The following IFT88 variants were observed in gnomAD, a reference collection of about 807,000 sequenced individuals.
IFT88 encodes the protein intraflagellar transport 88, also known as intraflagellar transport protein 88 homolog.
IFT88 carries 74 observed loss-of-function variants against 119.5 expected under a neutral mutation model. The ratio of observed to expected loss-of-function variants is 0.62; its 90% CI spans 0.51 to 0.75. IFT88 has a LOEUF of 0.75. Among genes scored for constraint, IFT88 ranks in the 30% least tolerant of loss-of-function variants. The probability of loss-of-function intolerance (pLI) is 0.00; values close to 1 mark genes in which losing one functional copy is unlikely to be tolerated. For missense variants in IFT88, 961 were observed against 977.7 expected (o/e 0.98, Z 0.23); for synonymous variants, 279 against 316.7 (o/e 0.88, Z 1.26).
At chr13:20,603,411 A>G (rs922148578) in intron 12 of IFT88, among the ~76,000 whole-genome samples, 9 of 151,778 alleles carry the variant, frequency 5.9e-5, no homozygotes, top group Non-Finnish European at 1.2e-4. Context: ...AAAGATTATA[A>G]GAGTACTGTA....
intron 4 of IFT88, 55 bp from the exon 5 acceptor site, chr13:20,590,912 C>T: frequency 1.6e-6 from 2 of 1,269,270 alleles, no homozygotes; most frequent in Non-Finnish European, 2.3e-6. Context: ...TTGGTTTAAA[C>T]ATTTAAGGCA....
intron 20 of IFT88, among the ~76,000 whole-genome samples, chr13:20,653,552 T>G (rs533325358): frequency 6.6e-6 from 1 of 152,298 alleles, no homozygotes; most frequent in Non-Finnish European, 1.5e-5. Context: ...AGTATTATGA[T>G]AAAAGATTAT....
chr13:20,685,709 G>A (rs2141254751), intron 24 of IFT88, among the ~76,000 whole-genome samples: 1 of 152,194 alleles, frequency 6.6e-6, no homozygotes, highest in South Asian at 2.1e-4. Context: ...GTGAGACCCT[G>A]ACTCTACTAA....
At chr13:20,614,246 CA>C (rs2045191938) in intron 13 of IFT88, 1 of 152,152 alleles carries the variant, frequency 6.6e-6, no homozygotes, top group African/African-American at 2.4e-5. Flanking sequence ...ACCATACTAA[CA>C]AACTAAGGAA....
At position 20,638,423 on chromosome 13, in the gene IFT88, C is replaced by T; in HGVS notation, c.1478C>T (p.Thr493Ile). 4 of 1,527,998 alleles carry T rather than the reference C, an allele frequency of 2.6e-6. No homozygotes were observed. The highest frequency in any genetic ancestry group is 3.5e-6 in the Non-Finnish European group (4 of 1,142,650). 94.7% of individuals were successfully genotyped at this position (1,527,998 alleles called of 1,614,324 possible). A position where few individuals can be genotyped will look rare whatever the true frequency, so the allele number is the denominator to read the frequency against. The change falls in exon 17 of 26, where the codon ACA becomes ATA. Residue 493 changes from threonine (T) to isoleucine (I), a missense_variant. Coordinates refer to ENST00000351808, the MANE Select transcript of IFT88 (RefSeq NM_006531.5). ...GCAGCTCTTACTAATAAAGGGAATA[C>T]AGTTTTTGCAAATGGTGATTATGAG... ...NPAALTNKGN[T>I]VFANGDYEKA...
intron 14 of IFT88, among the ~76,000 whole-genome samples, chr13:20,616,515 G>A (rs1278674761): frequency 6.6e-6 from 1 of 152,162 alleles, no homozygotes; most frequent in Non-Finnish European, 1.5e-5. Context: ...ATGCTGTAGA[G>A]GTTTGTAGAC....
intron 1 of IFT88, chr13:20,567,800 A>G: frequency 5.2e-6 from 7 of 1,335,198 alleles, no homozygotes; most frequent in Non-Finnish European, 6.8e-6. Flanking sequence ...TGTTGTCCCA[A>G]GATTCTTTCT....
In IFT88 at chr13:20,625,747, T is replaced by C. The variant is rs1477925152; in HGVS notation, c.1200-3T>C. The C allele has an allele frequency of 2.5e-6, 4 of 1,583,260 alleles. No homozygotes were observed. The highest frequency in any genetic ancestry group is 2.7e-5 in the African/African-American group (2 of 73,432). On this transcript the variant is annotated splice_polypyrimidine_tract_variant and splice_region_variant and intron_variant, in intron 14 of 25. Transcript: ENST00000351808. ...GTAAGGTTTTTTATGCTTTCCCTTATAGGTGCGTGGAAGTGGTGAAAGCTT... is the reference window on the plus strand; with the variant it reads ...GTAAGGTTTTTTATGCTTTCCCTTACAGGTGCGTGGAAGTGGTGAAAGCTT...
At chr13:20,643,682 A>C in intron 19 of IFT88, 77 bp downstream of exon 19, 1 of 963,672 alleles carries the variant, frequency 1.0e-6, no homozygotes, top group Middle Eastern at 3.2e-4. Context: ...AAGGCTTTAA[A>C]ATTTTAGAAG....
intron 3 of IFT88, among the ~76,000 whole-genome samples, chr13:20,589,127 T>C (rs1030569951): frequency 6.6e-6 from 1 of 152,196 alleles, no homozygotes; most frequent in Non-Finnish European, 1.5e-5. Flanking sequence ...CACTGTCTTG[T>C]TGGGTCTCTA....
intron 24 of IFT88, among the ~76,000 whole-genome samples, chr13:20,677,302 A>G (rs1289482543): frequency 6.6e-6 from 1 of 152,144 alleles, no homozygotes; most frequent in Non-Finnish European, 1.5e-5. Flanking sequence ...GTAGGGGGTG[A>G]GGGTTGAAAT....
chr13:20,591,543 G>A (rs933709540), intron 5 of IFT88, 75 bp from the exon 6 acceptor site: 11 of 1,060,966 alleles, frequency 1.0e-5, no homozygotes, highest in Non-Finnish European at 5.7e-6. Flanking sequence ...CTATATTAAG[G>A]TGTGTGTAAT....
intron 20 of IFT88, among the ~76,000 whole-genome samples, chr13:20,653,100 G>A (rs1354485890): frequency 1.3e-5 from 2 of 152,204 alleles, no homozygotes; most frequent in Non-Finnish European, 2.9e-5. Flanking sequence ...GTGGTTAGAT[G>A]TGTATTTTAT....
At chr13:20,602,667 G>A (rs1281869593) in intron 12 of IFT88, among the ~76,000 whole-genome samples, 1 of 152,038 alleles carries the variant, frequency 6.6e-6, no homozygotes, top group African/African-American at 2.4e-5. Flanking sequence ...GGCAGATTGC[G>A]AGGTCAGTAG....
intron 11 of IFT88, among the ~76,000 whole-genome samples, chr13:20,601,258 C>T (rs1182724252): frequency 6.6e-6 from 1 of 151,894 alleles, no homozygotes; most frequent in Non-Finnish European, 1.5e-5. Flanking sequence ...CCCAGCTATT[C>T]AGGAGGCTGA....
intron 2 of IFT88, among the ~76,000 whole-genome samples, chr13:20,582,192 G>A (rs1334182529): frequency 2.6e-5 from 4 of 152,136 alleles, no homozygotes; most frequent in African/African-American, 7.2e-5. Context: ...TTGACTGTTG[G>A]TGAGACTGGG....
chr13:20,609,283 T>C (rs1170846610), intron 13 of IFT88, among the ~76,000 whole-genome samples: 2 of 152,222 alleles, frequency 1.3e-5, no homozygotes, highest in Non-Finnish European at 2.9e-5. Flanking sequence ...ACACAATTGC[T>C]GAAAACAGAA....
intron 24 of IFT88, among the ~76,000 whole-genome samples, chr13:20,671,968 CTG>C (rs1195122187): frequency 2.0e-5 from 3 of 152,140 alleles, no homozygotes; most frequent in Non-Finnish European, 4.4e-5. Flanking sequence ...GTGCCAAACA[CTG>C]TGCTAAGAGC....
At chr13:20,683,448 TAATA>T (rs2057541363) in intron 24 of IFT88, among the ~76,000 whole-genome samples, 1 of 152,200 alleles carries the variant, frequency 6.6e-6, no homozygotes, top group Admixed American at 6.5e-5. Flanking sequence ...CCCATTGCTG[TAATA>T]AATCTCTCCC....
Sources: gnomAD v4.1 joint callset for allele counts (sites outside exome capture counted in the v4.1 genomes callset) on GRCh38, gnomAD v4.1.1 for gene constraint, MANE v1.5 for transcripts, NCBI Gene and HGNC (gene_info 2026-07-23, HGNC 2026-07-21) for gene names.